Variants in TSHZ2 observed in about 807,000 individuals in gnomAD.
TSHZ2 encodes the protein teashirt zinc finger homeobox 2.
TSHZ2 carries 21 observed loss-of-function variants against 74.4 expected under a neutral mutation model. The observed-to-expected ratio is 0.28, with a 90% CI of 0.20 to 0.41. The LOEUF (loss-of-function observed/expected upper bound fraction) is 0.41. TSHZ2 is among the 10% of genes least tolerant of loss of function. The pLI is 1.00. For missense variants in TSHZ2, 1,244 were observed against 1,293.5 expected (o/e 0.96, Z 0.59); for synonymous variants, 540 against 515.3 (o/e 1.05, Z -0.65).
At position 53,280,086 on chromosome 20, in the gene TSHZ2, C is replaced by T. The variant is rs531036983; in HGVS notation, c.*8+23515C>T. Among the ~76,000 whole-genome samples the T allele has an allele frequency of 7.9e-5, 12 of 151,988 alleles. No individual in the cohort carries two copies. The South Asian group carries it at 2.5e-3, about 32-fold the overall frequency. On this transcript the variant is annotated intron_variant, in intron 2 of 2. Transcript: ENST00000371497. ...GGCTTTAAATAGGGAAAGAGCATGA[C>T]CCAATGGGCATTTTTGAAGATGACT...
chr20:53,220,240 G>C (rs1989522984), intron 1 of TSHZ2, among the ~76,000 whole-genome samples: 1 of 152,094 alleles, frequency 6.6e-6, no homozygotes, highest in Admixed American at 6.5e-5. Flanking sequence ...GGGGTAATTG[G>C]AGCAAAAAGC....
chr20:53,227,361 G>A (rs1280921271), intron 1 of TSHZ2, among the ~76,000 whole-genome samples: 10 of 151,902 alleles, frequency 6.6e-5, no homozygotes, highest in Admixed American at 3.9e-4. Flanking sequence ...AATGGCAAGC[G>A]TTCTTCAAAA....
chr20:53,463,527 A>G lies in TSHZ2; in HGVS notation c.*9-23617A>G, dbSNP rs150431456. ...GAAGAGAGGAATGTCGTAGAATTATAGAAGTTATGTGTTCTACCATGTCTC... is the reference window on the plus strand; with the variant it reads ...GAAGAGAGGAATGTCGTAGAATTATGGAAGTTATGTGTTCTACCATGTCTC... On this transcript the variant is annotated intron_variant, in intron 2 of 2. Coordinates refer to ENST00000371497, the MANE Select transcript of TSHZ2 (RefSeq NM_173485.6). 4.3e-3 allele frequency among the ~76,000 whole-genome samples: 649 copies of G among 152,276 alleles called. 2 individuals carry two copies. Among genetic ancestry groups the G allele is most frequent in the South Asian group, 0.037 (176 of 4,820 alleles).
intron 2 of TSHZ2, among the ~76,000 whole-genome samples, chr20:53,263,938 G>T (rs73911237): frequency 1.6e-3 from 241 of 152,304 alleles, no homozygotes; most frequent in African/African-American, 5.7e-3. Flanking sequence ...GCTTACCCAG[G>T]ACTTGGCCGG....
intron 2 of TSHZ2, among the ~76,000 whole-genome samples, chr20:53,361,903 GTT>G (rs1199358744): frequency 1.6e-4 from 15 of 96,162 alleles, no homozygotes; most frequent in African/African-American, 8.0e-4. Flanking sequence ...TGTTGTTTGT[GTT>G]GTTGTTGTTG....
intron 1 of TSHZ2, among the ~76,000 whole-genome samples, chr20:53,193,131 G>A (rs551654329): frequency 7.0e-6 from 1 of 142,752 alleles, no homozygotes; most frequent in African/African-American, 2.6e-5. Context: ...CATGAAGAAT[G>A]TTCCTCCTTT....
At chr20:53,173,471 G>A (rs1165309910) in intron 1 of TSHZ2, among the ~76,000 whole-genome samples, 1 of 152,132 alleles carries the variant, frequency 6.6e-6, no homozygotes, top group Non-Finnish European at 1.5e-5. Context: ...AGCCAGGCAT[G>A]GTGGTGTGCA....
At chr20:53,434,409 A>G (rs1023674517) in intron 2 of TSHZ2, among the ~76,000 whole-genome samples, 4 of 152,200 alleles carry the variant, frequency 2.6e-5, no homozygotes, top group Admixed American at 6.5e-5. Flanking sequence ...GGTGCTGACA[A>G]TACAATAAGG....
chr20:53,052,414 G>A (rs1472521614), intron 1 of TSHZ2, among the ~76,000 whole-genome samples: 2 of 152,194 alleles, frequency 1.3e-5, no homozygotes, highest in African/African-American at 4.8e-5. Flanking sequence ...AACTGTGCGT[G>A]TGAGGGATCT....
At chr20:53,405,420 C>T (rs927371181) in intron 2 of TSHZ2, among the ~76,000 whole-genome samples, 9 of 152,084 alleles carry the variant, frequency 5.9e-5, no homozygotes, top group African/African-American at 4.8e-5. Flanking sequence ...AGGAAGTCAG[C>T]ACTTGAAGGT....
At chr20:53,353,422 T>C (rs1470158430) in intron 2 of TSHZ2, among the ~76,000 whole-genome samples, 1 of 152,252 alleles carries the variant, frequency 6.6e-6, no homozygotes, top group Non-Finnish European at 1.5e-5. Context: ...TGGTAAAAAC[T>C]GAAGTCATAC....
chr20:53,140,290 C>T (rs540927544), intron 1 of TSHZ2, among the ~76,000 whole-genome samples: 1 of 152,022 alleles, frequency 6.6e-6, no homozygotes, highest in South Asian at 2.1e-4. Context: ...CCTGTAATCC[C>T]AGCACTTTGG....
At chr20:53,454,897 G>A (rs965359836) in intron 2 of TSHZ2, among the ~76,000 whole-genome samples, 1 of 152,178 alleles carries the variant, frequency 6.6e-6, no homozygotes, top group Admixed American at 6.5e-5. Flanking sequence ...TCTGAACAAT[G>A]AGACAGAAGA....
chr20:53,480,494 G>A (rs1464511787), intron 2 of TSHZ2, among the ~76,000 whole-genome samples: 1 of 151,680 alleles, frequency 6.6e-6, no homozygotes, highest in African/African-American at 2.4e-5. Context: ...TTGAGCCCAG[G>A]AGATCAAGGC....
intron 1 of TSHZ2, among the ~76,000 whole-genome samples, chr20:53,239,519 CT>C (rs1990017400): frequency 6.6e-6 from 1 of 152,086 alleles, no homozygotes; most frequent in Non-Finnish European, 1.5e-5. Flanking sequence ...AGCTTACCAC[CT>C]GGGAGGGGAG....
chr20:53,436,515 TTTTA>T (rs1333153425), intron 2 of TSHZ2, among the ~76,000 whole-genome samples: 1 of 149,394 alleles, frequency 6.7e-6, no homozygotes, highest in Non-Finnish European at 1.5e-5. Context: ...CCAGGGCTTA[TTTTA>T]TTTATTTATT....
chr20:53,117,770 G>A (rs1171981350), intron 1 of TSHZ2, among the ~76,000 whole-genome samples: 2 of 152,218 alleles, frequency 1.3e-5, no homozygotes, highest in African/African-American at 4.8e-5. Flanking sequence ...CAAAAAGCAA[G>A]TGCATTCAAG....
intron 2 of TSHZ2, among the ~76,000 whole-genome samples, chr20:53,341,464 G>A (rs1274770853): frequency 6.6e-6 from 1 of 151,764 alleles, no homozygotes; most frequent in African/African-American, 2.4e-5. Context: ...GGCTTTTCAT[G>A]CATTATCTCT....
intron 2 of TSHZ2, among the ~76,000 whole-genome samples, chr20:53,351,284 T>C (rs1017580760): frequency 1.3e-5 from 2 of 152,202 alleles, no homozygotes; most frequent in Non-Finnish European, 1.5e-5. Flanking sequence ...CAATAGAATA[T>C]TTTGCATGGT....
Sources: gnomAD v4.1 joint callset for allele counts (sites outside exome capture counted in the v4.1 genomes callset) on GRCh38, gnomAD v4.1.1 for gene constraint, MANE v1.5 for transcripts, NCBI Gene and HGNC (gene_info 2026-07-23, HGNC 2026-07-21) for gene names.